The following RSBN1L variants were observed in gnomAD, a reference collection of about 807,000 sequenced individuals.
RSBN1L encodes the protein round spermatid basic protein 1 like.
RSBN1L carries 30 observed loss-of-function variants against 67.7 expected under a neutral mutation model. The observed-to-expected ratio is 0.44, with a 90% confidence interval of 0.33 to 0.60. The LOEUF (loss-of-function observed/expected upper bound fraction) is 0.60. Ranked by LOEUF, RSBN1L falls within the 20% of genes least tolerant of loss-of-function variation. The probability of loss-of-function intolerance (pLI) is 0.02; values close to 1 mark genes in which losing one functional copy is unlikely to be tolerated. For missense variants in RSBN1L, 992 were observed against 1,031.7 expected (o/e 0.96, Z 0.53); for synonymous variants, 433 against 387.0 (o/e 1.12, Z -1.39).
In RSBN1L at chr7:77,779,989, A is replaced by T. The variant is rs1203658631; in HGVS notation, c.*821A>T. On this transcript the variant is annotated 3_prime_UTR_variant, in exon 8 of 8. Coordinates refer to ENST00000334955, the MANE Select transcript of RSBN1L (RefSeq NM_198467.3). ...TGGGACTACAGGCACGCACCACAAC[A>T]CCCAGCTAATTTTTGTATTTTTAGT... 1 of 151,480 alleles carries T rather than the reference A, an allele frequency of 6.6e-6. No individual in the cohort carries two copies. Among genetic ancestry groups the T allele is most frequent in the Non-Finnish European group, 1.5e-5 (1 of 67,958 alleles). The allele number at this position is 151,480 out of a possible 1,614,324, so 9.4% of individuals were successfully genotyped here.
chr7:77,714,001 G>A (rs1791011384), intron 1 of RSBN1L, among the ~76,000 whole-genome samples: 1 of 152,196 alleles, frequency 6.6e-6, no homozygotes, highest in East Asian at 1.9e-4. Flanking sequence ...TTATTGACTA[G>A]TCCTTCCTTT....
At chr7:77,765,357 T>G in intron 3 of RSBN1L, 138 bp from the exon 4 acceptor site, 1 of 671,722 alleles carries the variant, frequency 1.5e-6, no homozygotes, top group East Asian at 3.1e-5. Context: ...TGCCTCATTA[T>G]GATATAATAT....
At chr7:77,776,841 C>T (rs2150435299) in intron 6 of RSBN1L, among the ~76,000 whole-genome samples, 1 of 151,296 alleles carries the variant, frequency 6.6e-6, no homozygotes, top group South Asian at 2.1e-4. Context: ...TGGGTCTTAC[C>T]TTTTTTTTAA....
At chr7:77,712,999 C>T (rs2150413927) in intron 1 of RSBN1L, among the ~76,000 whole-genome samples, 1 of 152,228 alleles carries the variant, frequency 6.6e-6, no homozygotes, top group South Asian at 2.1e-4. Context: ...TTTTTACATT[C>T]TTTCCAATGC....
At chr7:77,714,346 A>G (rs1190694867) in intron 1 of RSBN1L, among the ~76,000 whole-genome samples, 1 of 152,214 alleles carries the variant, frequency 6.6e-6, no homozygotes, top group Non-Finnish European at 1.5e-5. Flanking sequence ...CACCGCAGAA[A>G]GTTCTCTCTT....
At chr7:77,744,343 T>G (rs1791452113) in intron 2 of RSBN1L, among the ~76,000 whole-genome samples, 1 of 148,670 alleles carries the variant, frequency 6.7e-6, no homozygotes, top group African/African-American at 2.5e-5. Context: ...GCCTACTGTT[T>G]GACTTTTTTT....
At chr7:77,746,239 G>A (rs1002396632) in intron 2 of RSBN1L, among the ~76,000 whole-genome samples, 1 of 152,198 alleles carries the variant, frequency 6.6e-6, no homozygotes, top group African/African-American at 2.4e-5. Flanking sequence ...TGTACAGGAA[G>A]CATGGTGCTG....
intron 1 of RSBN1L, among the ~76,000 whole-genome samples, chr7:77,708,677 C>G (rs956012492): frequency 2.6e-5 from 4 of 152,226 alleles, no homozygotes; most frequent in Admixed American, 2.6e-4. Flanking sequence ...CCACCGCGCC[C>G]AGCCGAGTTC....
At chr7:77,738,713 C>A (rs774693062) in intron 2 of RSBN1L, among the ~76,000 whole-genome samples, 10 of 152,058 alleles carry the variant, frequency 6.6e-5, no homozygotes, top group African/African-American at 2.2e-4. Flanking sequence ...TTTGGGAGGC[C>A]GAGGCAGGTG....
chr7:77,751,645 G>A (rs919765974), intron 3 of RSBN1L, among the ~76,000 whole-genome samples: 1 of 152,166 alleles, frequency 6.6e-6, no homozygotes, highest in African/African-American at 2.4e-5. Flanking sequence ...TCTAATAATA[G>A]TGTTTACTAT....
intron 1 of RSBN1L, among the ~76,000 whole-genome samples, chr7:77,728,226 A>C (rs1289624312): frequency 6.6e-6 from 1 of 152,190 alleles, no homozygotes; most frequent in Non-Finnish European, 1.5e-5. Context: ...CTGTGACAGC[A>C]TGCATGTGTG....
At chr7:77,730,435 G>A (rs1791259006) in intron 1 of RSBN1L, among the ~76,000 whole-genome samples, 1 of 152,072 alleles carries the variant, frequency 6.6e-6, no homozygotes, top group African/African-American at 2.4e-5. Flanking sequence ...TTTACATTAG[G>A]AGTCACTCTT....
At chr7:77,772,148 A>G (rs1791858043) in intron 5 of RSBN1L, among the ~76,000 whole-genome samples, 1 of 152,234 alleles carries the variant, frequency 6.6e-6, no homozygotes, top group Non-Finnish European at 1.5e-5. Context: ...TGACACATGT[A>G]GAACATTATT....
intron 6 of RSBN1L, among the ~76,000 whole-genome samples, chr7:77,778,044 C>G (rs1791940765): frequency 6.6e-6 from 1 of 152,100 alleles, no homozygotes; most frequent in African/African-American, 2.4e-5. Flanking sequence ...AAATAGAACA[C>G]TTAATTTTCT....
rs1293061637 is a variant in RSBN1L, at chr7:77,782,334, A to G, written c.*3166A>G. 1 of 152,144 alleles carries G rather than the reference A, an allele frequency of 6.6e-6. No individual in the cohort carries two copies. Among genetic ancestry groups the G allele is most frequent in the African/African-American group, 2.4e-5 (1 of 41,404 alleles). 9.4% of individuals were successfully genotyped at this position (152,144 alleles called of 1,614,324 possible). A position where few individuals can be genotyped will look rare whatever the true frequency, so the allele number is the denominator to read the frequency against. On this transcript the variant is annotated 3_prime_UTR_variant, in exon 8 of 8. Transcript: ENST00000334955. ...TATAGAATAAAGAATTGTTATGTAA[A>G]TTATTAAATGAGTATACAGACCTTT...
At chr7:77,707,194 T>G (rs1190379205) in intron 1 of RSBN1L, among the ~76,000 whole-genome samples, 2 of 152,134 alleles carry the variant, frequency 1.3e-5, no homozygotes, top group African/African-American at 2.4e-5. Flanking sequence ...CAGCTAATTT[T>G]TGTATTTTTA....
intron 1 of RSBN1L, among the ~76,000 whole-genome samples, chr7:77,701,677 A>C (rs1389306378): frequency 1.5e-5 from 2 of 136,452 alleles, no homozygotes; most frequent in Non-Finnish European, 3.1e-5. Flanking sequence ...TTTGAGATGG[A>C]GTCTTGCTCT....
In RSBN1L at chr7:77,735,065, A is replaced by C. The variant is rs56691368; in HGVS notation, c.587-1345A>C. ...GAGTGTTATCACTTGAAAAAAAAAAACAAAAAACACTTTGTCAGTGTTATA... is the reference window on the plus strand; with the variant it reads ...GAGTGTTATCACTTGAAAAAAAAAACCAAAAAACACTTTGTCAGTGTTATA... On this transcript the variant is annotated intron_variant, in intron 1 of 7. Coordinates refer to ENST00000334955, the MANE Select transcript of RSBN1L (RefSeq NM_198467.3). 4.9e-3 allele frequency among the ~76,000 whole-genome samples: 743 copies of C among 152,024 alleles called. 4 individuals carry two copies. The highest frequency in any genetic ancestry group is 0.017 in the African/African-American group (705 of 41,492).
At chr7:77,725,527 A>G (rs1431342446) in intron 1 of RSBN1L, among the ~76,000 whole-genome samples, 3 of 151,974 alleles carry the variant, frequency 2.0e-5, no homozygotes, top group African/African-American at 7.3e-5. Context: ...GATTACAGGC[A>G]TGAGCCATGG....
Sources: gnomAD v4.1 joint callset for allele counts (sites outside exome capture counted in the v4.1 genomes callset) on GRCh38, gnomAD v4.1.1 for gene constraint, MANE v1.5 for transcripts, NCBI Gene and HGNC (gene_info 2026-07-23, HGNC 2026-07-21) for gene names.